BLNK: variants seen among roughly 807,000 people sequenced by gnomAD.
BLNK encodes the protein B cell linker, also known as B-cell linker protein.
In BLNK, 29 loss-of-function variants were observed where a neutral mutation model predicts 73.5. The ratio of observed to expected loss-of-function variants is 0.39; its 90% CI spans 0.29 to 0.54. The LOEUF is 0.54. BLNK is among the 20% of genes least tolerant of loss of function. BLNK has a pLI of 0.61. For missense variants in BLNK, 460 were observed against 562.8 expected (o/e 0.82, Z 1.85); for synonymous variants, 176 against 200.8 (o/e 0.88, Z 1.04).
In BLNK at chr10:96,214,245, C is replaced by A. The variant is rs192970231; in HGVS notation, c.676+1076G>T. On this transcript the variant is annotated intron_variant, in intron 8 of 16. Transcript: ENST00000224337. ...GAATGCTGGAGAGCAGGCTCCTACA[C>A]CTCTCTGTGCTGTTAATGGGGGTCA... 3.9e-5 allele frequency among the ~76,000 whole-genome samples: 6 copies of A among 152,272 alleles called. No individual in the cohort carries two copies. The East Asian group carries it at 5.8e-4, about 15-fold the overall frequency.
In BLNK at chr10:96,190,475, A is replaced by T. The variant is rs1013775214; in HGVS notation, c.*1498T>A. On this transcript the variant is annotated 3_prime_UTR_variant, in exon 17 of 17. Coordinates refer to ENST00000224337, the MANE Select transcript of BLNK (RefSeq NM_013314.4). Reference sequence around the variant, plus strand: ...AGACCTCATTCCCAAATAAGGTCACATTCTGAGATATGTGGCCTTATGGAT... The same window carrying T: ...AGACCTCATTCCCAAATAAGGTCACTTTCTGAGATATGTGGCCTTATGGAT... Among the ~76,000 whole-genome samples the T allele has an allele frequency of 4.6e-5, 7 of 152,220 alleles. No individual in the cohort carries two copies. Among genetic ancestry groups the T allele is most frequent in the Admixed American group, 4.6e-4 (7 of 15,282 alleles).
At chr10:96,215,451 C>T (rs1333925309) in intron 7 of BLNK, 62 bp from the exon 8 acceptor site, 2 of 1,468,970 alleles carry the variant, frequency 1.4e-6, no homozygotes, top group Admixed American at 1.9e-5. Context: ...ATTACAGATA[C>T]ATGCCATTGA....
intron 1 of BLNK, among the ~76,000 whole-genome samples, chr10:96,269,311 G>T (rs1393443348): frequency 2.6e-5 from 4 of 151,952 alleles, no homozygotes; most frequent in African/African-American, 9.7e-5. Context: ...CCCAAAGGGA[G>T]GAATCATAAA....
intron 16 of BLNK, among the ~76,000 whole-genome samples, chr10:96,194,887 C>A (rs1298108313): frequency 1.3e-5 from 2 of 150,174 alleles, no homozygotes; most frequent in Admixed American, 6.7e-5. Context: ...TCTCCTGCCT[C>A]AGCCTCCTGT....
In BLNK at chr10:96,239,036, G is replaced by T. The variant is rs587702355; in HGVS notation, c.163+3699C>A. The T allele has an allele frequency of 1.2e-4, 48 of 398,252 alleles. No homozygotes were observed. The Admixed American group carries it at 2.0e-3, about 17-fold the overall frequency. The allele number at this position is 398,252 out of a possible 1,614,324, so 24.7% of individuals were successfully genotyped here. A position where few individuals can be genotyped will look rare whatever the true frequency, so the allele number is the denominator to read the frequency against. On this transcript the variant is annotated intron_variant, in intron 3 of 16. Transcript: ENST00000224337. Reference sequence around the variant, plus strand: ...CTCCAGATGAGGTTGATGCTATCTTGCTGGGAATCAAACTTTGTGTTGCAA... The same window carrying T: ...CTCCAGATGAGGTTGATGCTATCTTTCTGGGAATCAAACTTTGTGTTGCAA...
Position 96,227,498 on chromosome 10 carries a change from G to C in BLNK, c.273C>G (p.Asn91Lys), listed in dbSNP as rs200794859. ...GAGGCGGCTCGTAGCTGTCATCAGC[G>C]TTCTCCTCGGCGGGCATCACGTACA... ...SEMYVMPAEE[N>K]ADDSYEPPPV... Residue 91 changes from asparagine (N) to lysine (K), a missense_variant, in exon 5 of 17, where the codon AAC becomes AAG. Physicochemically the swap from Asn to Lys is moderately conservative, Grantham distance 94. Around this residue, in one of 3 missense-constraint regions of BLNK, gnomAD observed 139 missense variants for 187.3 expected, o/e 0.74. Transcript: ENST00000224337. 3 of 1,614,228 alleles carry C rather than the reference G, an allele frequency of 1.9e-6. No individual in the cohort carries two copies. The highest frequency in any genetic ancestry group is 2.5e-6 in the Non-Finnish European group (3 of 1,180,054).
rs533733713 is a variant in BLNK, at chr10:96,254,197, T to G, written c.48-7148A>C. The stretch of plus-strand genomic sequence containing the variant: ...GAATAGCTTTAACAGCAAATCTTAC[T>G]ATTTTCTCCATAATGAGTGGCCAAA... On this transcript the variant is annotated intron_variant, in intron 1 of 16. Coordinates refer to ENST00000224337, the MANE Select transcript of BLNK (RefSeq NM_013314.4). Among the ~76,000 whole-genome samples the G allele has an allele frequency of 2.0e-4, 31 of 152,300 alleles. No homozygotes were observed. The Middle Eastern group carries it at 0.014, about 67-fold the overall frequency.
chr10:96,195,048 C>T (rs1006325271), intron 16 of BLNK, among the ~76,000 whole-genome samples: 1 of 151,986 alleles, frequency 6.6e-6, no homozygotes, highest in Non-Finnish European at 1.5e-5. Flanking sequence ...GGATTACAGG[C>T]GTGAGCCACC....
intron 13 of BLNK, chr10:96,203,601 C>CAGA (rs1261606790): frequency 7.2e-5 from 11 of 152,814 alleles, no homozygotes; most frequent in Admixed American, 3.3e-4. Context: ...AAAAATTATC[C>CAGA]AGATATTTGC....
Position 96,200,579 on chromosome 10 carries a change from T to A in BLNK, c.1011+403A>T, listed in dbSNP as rs74151285. On this transcript the variant is annotated intron_variant, in intron 14 of 16. Transcript: ENST00000224337. The surrounding 1 kb of genome is among the most constrained non-coding windows in gnomAD (Gnocchi z 4.3). ...TATCCGTATTTTACATTTTTACATA[T>A]ATTTGTATGGAAACTTAGAAAGACT... Among the ~76,000 whole-genome samples, 13,870 of 152,302 alleles carry A rather than the reference T, an allele frequency of 0.091. 721 individuals carry two copies. Among genetic ancestry groups the A allele is most frequent in the South Asian group, 0.17 (809 of 4,826 alleles).
chr10:96,271,379 AT>A lies in BLNK; in HGVS notation c.19del (p.Ile7Ter). On this transcript the variant is annotated frameshift_variant, in exon 1 of 17. Transcript: ENST00000224337. LOFTEE classifies it high-confidence loss of function. The stretch of plus-strand genomic sequence containing the variant: ...CAACTTCTGACTGGCGGGGACGGTT[AT>A]TTTATTAAGCTTGTCCATTCTGTTT... Reference protein sequence around the residue: MDKLNKITVPASQKLRQ... With the variant: MDKLNKXTVPASQKLRQ... 6.2e-7 allele frequency: 1 copy of A among 1,614,070 alleles called. No homozygotes were observed.
chr10:96,201,021 G>C lies in BLNK; in HGVS notation c.972C>G (p.Pro324=), dbSNP rs1554896001. The C allele has an allele frequency of 3.7e-6, 6 of 1,614,086 alleles. No individual in the cohort carries two copies. The highest frequency in any genetic ancestry group is 5.1e-6 in the Non-Finnish European group (6 of 1,179,992). ...TEGGNPTVDG[P]LPSFSSNSTI... ...TGGAATTAGATGAAAAGCTGGGTAGGGGCCCATCCACAGTTGGGTTTCCCC... is the reference window on the plus strand; with the variant it reads ...TGGAATTAGATGAAAAGCTGGGTAGCGGCCCATCCACAGTTGGGTTTCCCC... Residue 324 remains proline (P), a synonymous_variant, in exon 14 of 17, where the codon CCC becomes CCG. Transcript: ENST00000224337.
At chr10:96,259,670 C>CTTTTTTTTTTTTTTTTTTTTTTTTT (rs57821919) in intron 1 of BLNK, among the ~76,000 whole-genome samples, 26 of 44,872 alleles carry the variant, frequency 5.8e-4, no homozygotes, top group South Asian at 1.8e-3. Flanking sequence ...CACACCCTAC[C>CTTTTTTTTTTTTTTTTTTTTTTTTT]TTTTTTTTTT....
At chr10:96,228,382 G>C (rs3827858) in intron 4 of BLNK, among the ~76,000 whole-genome samples, 24,616 of 152,092 alleles carry the variant, frequency 0.16, 2,287 homozygotes, top group East Asian at 0.34. Context: ...CTCAGTCTCT[G>C]GAGTAGCTGG....
At chr10:96,203,413 T>C (rs1008068024) in intron 13 of BLNK, among the ~76,000 whole-genome samples, 3 of 152,196 alleles carry the variant, frequency 2.0e-5, no homozygotes, top group Non-Finnish European at 4.4e-5. Flanking sequence ...TTACTGTTTA[T>C]TTAAATGGAT....
intron 16 of BLNK, among the ~76,000 whole-genome samples, chr10:96,192,805 A>G (rs1554893832): frequency 6.6e-6 from 1 of 152,248 alleles, no homozygotes; most frequent in African/African-American, 2.4e-5. Flanking sequence ...AACACAGATC[A>G]TGAAATTAAA....
At chr10:96,245,325 G>C (rs1409750913) in intron 2 of BLNK, among the ~76,000 whole-genome samples, 1 of 152,118 alleles carries the variant, frequency 6.6e-6, no homozygotes, top group Admixed American at 6.5e-5. Flanking sequence ...CAAAATTTGG[G>C]GAGAAAAATT....
chr10:96,241,624 C>T (rs1842881245), intron 3 of BLNK, among the ~76,000 whole-genome samples: 1 of 152,202 alleles, frequency 6.6e-6, no homozygotes, highest in African/African-American at 2.4e-5. Context: ...GTCTCTTCCC[C>T]ACTTACCCCA....
At chr10:96,225,833 C>T (rs1591327358) in intron 5 of BLNK, among the ~76,000 whole-genome samples, 4 of 151,908 alleles carry the variant, frequency 2.6e-5, no homozygotes, top group Admixed American at 6.6e-5. Flanking sequence ...TTAATAGAGA[C>T]GGGGTTCTGC....
Sources: allele counts gnomAD v4.1 joint callset (sites outside exome capture counted in the v4.1 genomes callset), GRCh38; gene constraint gnomAD v4.1.1; regional missense constraint gnomAD v4.1.1; non-coding constraint Gnocchi (gnomAD v3.1); transcripts MANE v1.5; gene names NCBI Gene and HGNC (gene_info 2026-07-23, HGNC 2026-07-21).